The following LRCH3 variants were observed in gnomAD, a reference collection of about 807,000 sequenced individuals.
LRCH3 encodes the protein leucine rich repeats and calponin homology domain containing 3.
LRCH3 carries 68 observed loss-of-function variants against 104.5 expected under a neutral mutation model. The observed-to-expected ratio is 0.65, with a 90% CI of 0.54 to 0.80. LRCH3 has a LOEUF of 0.80. LRCH3 is among the 30% of genes least tolerant of loss of function. The pLI, the probability that LRCH3 is intolerant of heterozygous loss-of-function variation, is 0.00. For missense variants in LRCH3, 951 were observed against 953.9 expected (o/e 1.00, Z 0.04); for synonymous variants, 344 against 361.3 (o/e 0.95, Z 0.54).
chr3:197,879,442 C>A (rs535676040), intron 20 of LRCH3, among the ~76,000 whole-genome samples: 2 of 151,184 alleles, frequency 1.3e-5, no homozygotes, highest in Non-Finnish European at 2.9e-5. Flanking sequence ...GTCAGGAGAT[C>A]GAGACCATCC....
intron 3 of LRCH3, among the ~76,000 whole-genome samples, chr3:197,818,035 A>G (rs188489897): frequency 6.6e-6 from 1 of 152,090 alleles, no homozygotes; most frequent in Non-Finnish European, 1.5e-5. Flanking sequence ...GTTAGCCAGG[A>G]TAGTCTTGAT....
chr3:197,832,664 A>G (rs1312804716), intron 8 of LRCH3, among the ~76,000 whole-genome samples: 2 of 135,864 alleles, frequency 1.5e-5, no homozygotes, highest in Non-Finnish European at 3.2e-5. Context: ...TCATTATTTG[A>G]TCTCTTTTAG....
intron 20 of LRCH3, among the ~76,000 whole-genome samples, chr3:197,877,507 C>A (rs1415922516): frequency 1.5e-5 from 2 of 136,684 alleles, no homozygotes; most frequent in Non-Finnish European, 3.2e-5. Context: ...TTCTCTTTAC[C>A]CAACTCACCG....
Position 197,884,139 on chromosome 3 carries a change from T to A in LRCH3, c.*473T>A, listed in dbSNP as rs1714009122. The stretch of plus-strand genomic sequence containing the variant: ...GGGTAAGGCCTAGGAATCTGCATTT[T>A]CAACAACCATTGCACATGTTTTTGT... On this transcript the variant is annotated 3_prime_UTR_variant, in exon 21 of 21. Transcript: ENST00000425562. 1.3e-5 allele frequency: 2 copies of A among 153,304 alleles called. 1 individual carries two copies. Among genetic ancestry groups the A allele is most frequent in the South Asian group, 4.1e-4 (2 of 4,878 alleles). The allele number at this position is 153,304 out of a possible 1,614,324, so 9.5% of individuals were successfully genotyped here.
intron 19 of LRCH3, among the ~76,000 whole-genome samples, chr3:197,874,404 T>A (rs372891674): frequency 1.3e-5 from 2 of 152,340 alleles, no homozygotes; most frequent in Non-Finnish European, 1.5e-5. Flanking sequence ...ATCTAATGCC[T>A]GATGATCTGT....
At chr3:197,826,376 T>G (rs531373219) in intron 4 of LRCH3, among the ~76,000 whole-genome samples, 2 of 152,284 alleles carry the variant, frequency 1.3e-5, no homozygotes, top group African/African-American at 4.8e-5. Flanking sequence ...TTGACTTAAC[T>G]CCTCCATTTT....
intron 17 of LRCH3, among the ~76,000 whole-genome samples, chr3:197,867,103 C>T (rs139977154): frequency 1.3e-3 from 197 of 152,240 alleles, no homozygotes; most frequent in African/African-American, 4.6e-3. Context: ...GGCGAAACCC[C>T]GTCTCTACTG....
Position 197,871,322 on chromosome 3 carries a change from C to T in LRCH3, c.1993-3C>T. The T allele has an allele frequency of 6.2e-7, 1 of 1,606,886 alleles. No individual in the cohort carries two copies. Among genetic ancestry groups the T allele is most frequent in the Non-Finnish European group, 8.5e-7 (1 of 1,174,368 alleles). On this transcript the variant is annotated splice_region_variant and splice_polypyrimidine_tract_variant and intron_variant, in intron 18 of 20. Transcript: ENST00000425562. ...ATCTATTACATGTTTTTTGTTCTTT[C>T]AGCATATTGAGTACCGGTTGAAAGT...
At chr3:197,879,262 A>G (rs1026298822) in intron 20 of LRCH3, among the ~76,000 whole-genome samples, 2 of 152,190 alleles carry the variant, frequency 1.3e-5, no homozygotes, top group Admixed American at 6.5e-5. Flanking sequence ...GAATTTTGCA[A>G]TCTGTAAAAT....
At position 197,854,456 on chromosome 3, in the gene LRCH3, T is replaced by C. The variant is rs1316117877; in HGVS notation, c.1644+11T>C. On this transcript the variant is annotated intron_variant, in intron 14 of 20. Transcript: ENST00000425562. This position sits in a 1 kb window ranked among gnomAD's most constrained non-coding sequence, Gnocchi z 4.5. The stretch of plus-strand genomic sequence containing the variant: ...AGTGCCTTGTGCATGGTAAGAGTTT[T>C]GCACAAAACGGAGTTTCGCATTTCT... 1 of 1,613,686 alleles carries C rather than the reference T, an allele frequency of 6.2e-7. No individual in the cohort carries two copies. Among genetic ancestry groups the C allele is most frequent in the Non-Finnish European group, 8.5e-7 (1 of 1,179,536 alleles).
At chr3:197,806,028 G>A (rs1415871744) in intron 1 of LRCH3, among the ~76,000 whole-genome samples, 2 of 152,080 alleles carry the variant, frequency 1.3e-5, no homozygotes, top group South Asian at 2.1e-4. Flanking sequence ...CCGGGTTCAA[G>A]TGATTCTCCT....
At chr3:197,838,832 A>G (rs1018644788) in intron 9 of LRCH3, among the ~76,000 whole-genome samples, 9 of 152,200 alleles carry the variant, frequency 5.9e-5, no homozygotes, top group Non-Finnish European at 1.2e-4. Flanking sequence ...CACACTCAAG[A>G]CTGTTTGTAT....
chr3:197,803,015 A>G (rs577697540), intron 1 of LRCH3, among the ~76,000 whole-genome samples: 19 of 152,362 alleles, frequency 1.2e-4, no homozygotes, highest in African/African-American at 4.6e-4. Flanking sequence ...TTGGTGTCAT[A>G]GAGGATAAGA....
chr3:197,807,472 T>C (rs1178535722), intron 1 of LRCH3, among the ~76,000 whole-genome samples: 2 of 151,872 alleles, frequency 1.3e-5, no homozygotes, highest in East Asian at 1.9e-4. Flanking sequence ...CCGCCCGCCT[T>C]GGCCTCCCAA....
chr3:197,791,263 T>G lies in LRCH3; in HGVS notation c.-16T>G. On this transcript the variant is annotated 5_prime_UTR_variant, in exon 1 of 21. Coordinates refer to ENST00000425562, the MANE Select transcript of LRCH3 (RefSeq NM_001365715.1). ...CATGCGCTGAGCTGGCGGGCCCGAG[T>G]GTTGTCGGCTGGGAAATGGCGGCCG... is the stretch of plus-strand genomic sequence containing the variant. The G allele has an allele frequency of 1.2e-6, 2 of 1,606,764 alleles. No homozygotes were observed. Among genetic ancestry groups the G allele is most frequent in the Non-Finnish European group, 1.7e-6 (2 of 1,178,080 alleles).
chr3:197,827,023 T>C lies in LRCH3; in HGVS notation c.777+9T>C, dbSNP rs1560547654. 3 of 1,612,070 alleles carry C rather than the reference T, an allele frequency of 1.9e-6. No homozygotes were observed. Among genetic ancestry groups the C allele is most frequent in the Non-Finnish European group, 2.5e-6 (3 of 1,179,296 alleles). The stretch of plus-strand genomic sequence containing the variant: ...AATCACCTCCTGCACAGGTAAACCA[T>C]AGTGGAAGCATCAGGTAAACCATGG... On this transcript the variant is annotated intron_variant, in intron 5 of 20. Coordinates refer to ENST00000425562, the MANE Select transcript of LRCH3 (RefSeq NM_001365715.1).
chr3:197,841,686 G>A (rs1276397077), intron 10 of LRCH3, among the ~76,000 whole-genome samples: 2 of 152,038 alleles, frequency 1.3e-5, no homozygotes, highest in African/African-American at 4.8e-5. Context: ...TTATTTTCAT[G>A]GCACCTTAGC....
rs190343409 is a variant in LRCH3, at chr3:197,835,012, T to C, written c.1103-662T>C. 2.8e-3 allele frequency among the ~76,000 whole-genome samples: 433 copies of C among 151,968 alleles called. 2 individuals carry two copies. Among genetic ancestry groups the C allele is most frequent in the African/African-American group, 6.7e-3 (279 of 41,460 alleles). Reference sequence around the variant, plus strand: ...TACAAAAGTTAGCCGGGCGTGGTGGTGCACACCTGTAATCCCAGCTACTTG... The same window carrying C: ...TACAAAAGTTAGCCGGGCGTGGTGGCGCACACCTGTAATCCCAGCTACTTG... On this transcript the variant is annotated intron_variant, in intron 8 of 20. Coordinates refer to ENST00000425562, the MANE Select transcript of LRCH3 (RefSeq NM_001365715.1).
intron 10 of LRCH3, among the ~76,000 whole-genome samples, chr3:197,846,319 G>A (rs939113881): frequency 8.0e-5 from 12 of 149,778 alleles, no homozygotes. Context: ...CGATATTATC[G>A]CTTGAGGCCA....
Sources: allele counts gnomAD v4.1 joint callset (sites outside exome capture counted in the v4.1 genomes callset), GRCh38; gene constraint gnomAD v4.1.1; non-coding constraint Gnocchi (gnomAD v3.1); transcripts MANE v1.5; gene names NCBI Gene and HGNC (gene_info 2026-07-23, HGNC 2026-07-21).